The following PDE6G variants were observed in gnomAD, a reference collection of about 807,000 sequenced individuals.
The protein encoded by PDE6G is phosphodiesterase 6G, also known as rod cGMP 3',5'-cyclic phosphodiesterase subunit gamma.
Under a neutral mutation model 10.9 loss-of-function variants are expected in PDE6G, and 10 were observed. That is an observed-to-expected ratio of 0.91 (90% confidence interval 0.56 to 1.55). The LOEUF is 1.55. Among genes scored for constraint, PDE6G ranks in the 40% most tolerant of loss-of-function variants. PDE6G has a pLI of 0.00. For synonymous variants in PDE6G, 41 were observed against 42.8 expected (o/e 0.96, Z 0.16); for missense variants, 102 against 110.1 (o/e 0.93, Z 0.33).
chr17:81,652,547 G>T (rs2036376056), intron 2 of PDE6G, among the ~76,000 whole-genome samples: 1 of 151,904 alleles, frequency 6.6e-6, no homozygotes, highest in Non-Finnish European at 1.5e-5. Context: ...AAAGTGCTGG[G>T]ATTACAGGCA....
In PDE6G at chr17:81,651,218, C is replaced by T; in HGVS notation, c.188-68G>A. 1.7e-6 allele frequency: 2 copies of T among 1,188,662 alleles called. No homozygotes were observed. The highest frequency in any genetic ancestry group is 2.5e-6 in the Non-Finnish European group (2 of 798,062). 73.6% of individuals were successfully genotyped at this position (1,188,662 alleles called of 1,614,324 possible). ...CTAGGGACCCCCCCATCCCCTGTGGCCCTGTTTCCCACAGCCCAGGTGTAG... is the reference window on the plus strand; with the variant it reads ...CTAGGGACCCCCCCATCCCCTGTGGTCCTGTTTCCCACAGCCCAGGTGTAG... On this transcript the variant is annotated intron_variant, in intron 3 of 3. Transcript: ENST00000331056. This position sits in a 1 kb window ranked among gnomAD's most constrained non-coding sequence, Gnocchi z 4.8.
rs201714579 is a variant in PDE6G, at chr17:81,653,159, C to T, written c.146+1G>A. 6.2e-7 allele frequency: 1 copy of T among 1,613,092 alleles called. No homozygotes were observed. The highest frequency in any genetic ancestry group is 8.5e-7 in the Non-Finnish European group (1 of 1,179,466). On this transcript the variant is annotated splice_donor_variant, in intron 2 of 3. Coordinates refer to ENST00000331056, the MANE Select transcript of PDE6G (RefSeq NM_002602.4). LOFTEE classifies it high-confidence loss of function. The surrounding 1 kb of genome is among the most constrained non-coding windows in gnomAD (Gnocchi z 5.2). ...AGGCCCCATCCCCCAGCTCTGCTTA[C>T]CCTTGAACGCCTTTCTTTGGGGGCT...
At chr17:81,661,127 C>G (rs1257979720), upstream of PDE6G, among the ~76,000 whole-genome samples, 2 of 152,220 alleles carry the variant, frequency 1.3e-5, no homozygotes, top group Non-Finnish European at 2.9e-5. Context: ...GTAGCTCATA[C>G]CTGTAATCAC....
rs1041736202 is a variant in PDE6G, at chr17:81,650,563, C to A, written c.*511G>T. On this transcript the variant is annotated 3_prime_UTR_variant, in exon 4 of 4. Transcript: ENST00000331056. ...TGAGCTTGGGGCCTCATCTGCTCACCGTGCACGCCCTGGAGTCCTGCTACC... is the reference window on the plus strand; with the variant it reads ...TGAGCTTGGGGCCTCATCTGCTCACAGTGCACGCCCTGGAGTCCTGCTACC... The A allele has an allele frequency of 4.4e-6, 2 of 454,078 alleles. No individual in the cohort carries two copies. The highest frequency in any genetic ancestry group is 4.0e-5 in the African/African-American group (2 of 50,014). 28.1% of individuals were successfully genotyped at this position (454,078 alleles called of 1,614,324 possible). A position where few individuals can be genotyped will look rare whatever the true frequency, so the allele number is the denominator to read the frequency against.
chr17:81,662,108 AC>A (rs955401684), intron 1 of PDE6G, among the ~76,000 whole-genome samples: 3 of 151,982 alleles, frequency 2.0e-5, no homozygotes, highest in African/African-American at 7.2e-5. Context: ...TCCTGACCAA[AC>A]CAATGTACAT....
chr17:81,662,538 G>T (rs771514010), intron 1 of PDE6G, among the ~76,000 whole-genome samples: 1 of 152,032 alleles, frequency 6.6e-6, no homozygotes, highest in East Asian at 1.9e-4. Context: ...CAGGAGAATC[G>T]CTTGAACCCG....
At position 81,653,684 on chromosome 17, in the gene PDE6G, T is replaced by A; in HGVS notation, c.-59-320A>T. The A allele has an allele frequency of 3.2e-6, 1 of 310,462 alleles. No individual in the cohort carries two copies. Among genetic ancestry groups the A allele is most frequent in the Non-Finnish European group, 6.3e-6 (1 of 158,790 alleles). 19.2% of individuals were successfully genotyped at this position (310,462 alleles called of 1,614,324 possible). ...TAGCCTCCCAACCTGTGGCAGGTCC[T>A]GAGCCTGGAGTCCTCACCACCTCCC... On this transcript the variant is annotated intron_variant, in intron 1 of 3. Transcript: ENST00000331056. This position sits in a 1 kb window ranked among gnomAD's most constrained non-coding sequence, Gnocchi z 5.2.
chr17:81,657,838 G>A (rs1167018826), upstream of PDE6G, among the ~76,000 whole-genome samples: 1 of 151,620 alleles, frequency 6.6e-6, no homozygotes, highest in African/African-American at 2.4e-5. Flanking sequence ...CCGAGATCGC[G>A]CCACCGCACT....
chr17:81,651,205 C>G lies in PDE6G; in HGVS notation c.188-55G>C, dbSNP rs910122601. On this transcript the variant is annotated intron_variant, in intron 3 of 3. Coordinates refer to ENST00000331056, the MANE Select transcript of PDE6G (RefSeq NM_002602.4). This position sits in a 1 kb window ranked among gnomAD's most constrained non-coding sequence, Gnocchi z 4.8. ...AGGATCCCACGGCCTAGGGACCCCC[C>G]CATCCCCTGTGGCCCTGTTTCCCAC... The G allele has an allele frequency of 7.5e-7, 1 of 1,330,964 alleles. No individual in the cohort carries two copies. The highest frequency in any genetic ancestry group is 1.2e-5 in the South Asian group (1 of 84,890). 82.4% of individuals were successfully genotyped at this position (1,330,964 alleles called of 1,614,324 possible). A position where few individuals can be genotyped will look rare whatever the true frequency, so the allele number is the denominator to read the frequency against.
At chr17:81,656,554 C>A, upstream of PDE6G, 1 of 761,206 alleles carries the variant, frequency 1.3e-6, no homozygotes. Context: ...CCGCAGGGTG[C>A]CAGCCCCGGC....
At position 81,651,615 on chromosome 17, in the gene PDE6G, A is replaced by G. The variant is rs1238603088; in HGVS notation, c.187+30T>C. 3 of 1,612,258 alleles carry G rather than the reference A, an allele frequency of 1.9e-6. No individual in the cohort carries two copies. In the South Asian group the frequency reaches 3.3e-5, roughly 18 times the overall value. ...GGTGTGCCTGGGGGGACCTGGGCAG[A>G]CCTCGGGTTGGTACTGGCAGCCGTC... On this transcript the variant is annotated intron_variant, in intron 3 of 3. Transcript: ENST00000331056. The surrounding 1 kb of genome is among the most constrained non-coding windows in gnomAD (Gnocchi z 4.8).
chr17:81,660,009 C>G (rs1230183148), upstream of PDE6G, among the ~76,000 whole-genome samples: 2 of 152,130 alleles, frequency 1.3e-5, no homozygotes, highest in African/African-American at 4.8e-5. Flanking sequence ...CGATTGAACC[C>G]AGCAGGCAGA....
Position 81,661,888 on chromosome 17 carries a change from G to A in PDE6G, c.-60+1171C>T, listed in dbSNP as rs1266692510. Among the ~76,000 whole-genome samples, 7 of 147,156 alleles carry A rather than the reference G, an allele frequency of 4.8e-5. No individual in the cohort carries two copies. In the East Asian group the frequency reaches 6.2e-4, roughly 13 times the overall value. On this transcript the variant is annotated intron_variant, in intron 1 of 3. Transcript: ENST00000571224. Reference sequence around the variant, plus strand: ...AAAAAAAAAAAAAAAAAAATCAGCCGGGCATGGTGGCAGGTGCCTGTAATC... The same window carrying A: ...AAAAAAAAAAAAAAAAAAATCAGCCAGGCATGGTGGCAGGTGCCTGTAATC...
intron 2 of PDE6G, among the ~76,000 whole-genome samples, chr17:81,652,498 C>T (rs1050930777): frequency 2.0e-5 from 3 of 151,898 alleles, no homozygotes; most frequent in Admixed American, 1.3e-4. Flanking sequence ...AGAATGGTCT[C>T]GATCTCCTGA....
chr17:81,657,749 C>T (rs983291924), upstream of PDE6G, among the ~76,000 whole-genome samples: 2 of 152,082 alleles, frequency 1.3e-5, no homozygotes, highest in African/African-American at 4.8e-5. Context: ...GGCGTGGTGG[C>T]ATGTACCTGT....
At position 81,653,414 on chromosome 17, in the gene PDE6G, C is replaced by G; in HGVS notation, c.-59-50G>C. 1 of 1,335,074 alleles carries G rather than the reference C, an allele frequency of 7.5e-7. No homozygotes were observed. The highest frequency in any genetic ancestry group is 1.0e-6 in the Non-Finnish European group (1 of 963,390). The allele number at this position is 1,335,074 out of a possible 1,614,324, so 82.7% of individuals were successfully genotyped here. The stretch of plus-strand genomic sequence containing the variant: ...CCAGTCAGCCCTCCTGCTTCCAACC[C>G]TTGTGGGGGTCTCAACCCACCGGTG... On this transcript the variant is annotated intron_variant, in intron 1 of 3. Coordinates refer to ENST00000331056, the MANE Select transcript of PDE6G (RefSeq NM_002602.4). The surrounding 1 kb of genome is among the most constrained non-coding windows in gnomAD (Gnocchi z 5.2).
chr17:81,654,257 C>A (rs1271706278), intron 1 of PDE6G, among the ~76,000 whole-genome samples: 1 of 152,170 alleles, frequency 6.6e-6, no homozygotes, highest in Non-Finnish European at 1.5e-5. Flanking sequence ...AGGGAGGTCT[C>A]CCCTGAACCC....
chr17:81,654,918 A>T (rs1374364305), intron 1 of PDE6G, among the ~76,000 whole-genome samples: 3 of 142,374 alleles, frequency 2.1e-5, no homozygotes, highest in Admixed American at 7.0e-5. Flanking sequence ...CGGCTAATTT[A>T]TTTTTTTTTT....
In PDE6G at chr17:81,654,242, C is replaced by T. The variant is rs541078263; in HGVS notation, c.-59-878G>A. Among the ~76,000 whole-genome samples, 5 of 152,308 alleles carry T rather than the reference C, an allele frequency of 3.3e-5. No homozygotes were observed. The East Asian group carries it at 7.7e-4, about 24-fold the overall frequency. Reference sequence around the variant, plus strand: ...GTGGGCTGCCTCCATCTCAAGTTCCCGCTCAGGGAGGTCTCCCCTGAACCC... The same window carrying T: ...GTGGGCTGCCTCCATCTCAAGTTCCTGCTCAGGGAGGTCTCCCCTGAACCC... On this transcript the variant is annotated intron_variant, in intron 1 of 3. Transcript: ENST00000331056.
Sources: gnomAD v4.1 joint callset for allele counts (sites outside exome capture counted in the v4.1 genomes callset) on GRCh38, gnomAD v4.1.1 for gene constraint, Gnocchi (gnomAD v3.1) non-coding constraint, MANE v1.5 for transcripts, NCBI Gene and HGNC (gene_info 2026-07-23, HGNC 2026-07-21) for gene names.